PC: variants seen among roughly 807,000 people sequenced by gnomAD.
PC encodes pyruvate carboxylase, mitochondrial.
A neutral mutation model predicts 107.8 loss-of-function variants in PC; 46 were observed. The ratio of observed to expected loss-of-function variants is 0.43; its 90% confidence interval spans 0.34 to 0.55. The LOEUF (loss-of-function observed/expected upper bound fraction) is 0.55, where lower values mean the gene tolerates loss of function less well. Among genes scored for constraint, PC ranks in the 20% least tolerant of loss-of-function variants. The probability of loss-of-function intolerance (pLI) is 0.04; values close to 1 mark genes in which losing one functional copy is unlikely to be tolerated. For missense variants in PC, 1,241 were observed against 1,643.1 expected (o/e 0.76, Z 4.23); for synonymous variants, 662 against 684.7 (o/e 0.97, Z 0.52).
chr11:66,922,968 A>G (rs1169815589), intron 3 of PC, among the ~76,000 whole-genome samples: 1 of 152,238 alleles, frequency 6.6e-6, no homozygotes, highest in Admixed American at 6.5e-5. Flanking sequence ...CACTAGCTTC[A>G]TAAGGACAGA....
intron 16 of PC, 74 bp from the exon 17 acceptor site, chr11:66,851,354 G>C: frequency 6.3e-7 from 1 of 1,589,630 alleles, no homozygotes; most frequent in South Asian, 1.1e-5. Context: ...GCTCCTTCCT[G>C]ACCCACTCTA....
At chr11:66,925,634 G>A (rs2136101219) in intron 3 of PC, among the ~76,000 whole-genome samples, 1 of 151,962 alleles carries the variant, frequency 6.6e-6, no homozygotes, top group East Asian at 1.9e-4. Context: ...ATCATCACAG[G>A]GTCCTGAGGC....
At chr11:66,867,170 G>A (rs948097270) in intron 10 of PC, among the ~76,000 whole-genome samples, 12 of 152,222 alleles carry the variant, frequency 7.9e-5, no homozygotes, top group African/African-American at 2.2e-4. Flanking sequence ...TGAATCCCAC[G>A]AGGCCAGGAG....
At chr11:66,856,160 C>T (rs1291667211) in intron 12 of PC, among the ~76,000 whole-genome samples, 4 of 152,210 alleles carry the variant, frequency 2.6e-5, no homozygotes, top group African/African-American at 9.6e-5. Context: ...CGCCGGGAGC[C>T]CTTTCTCTGA....
chr11:66,869,490 T>C, intron 9 of PC, among the ~76,000 whole-genome samples: 1 of 152,118 alleles, frequency 6.6e-6, no homozygotes, highest in East Asian at 1.9e-4. Flanking sequence ...AGTTTCACTT[T>C]TGGTCTCACC....
intron 3 of PC, among the ~76,000 whole-genome samples, chr11:66,915,607 A>C (rs1054056925): frequency 1.3e-5 from 2 of 152,194 alleles, no homozygotes; most frequent in African/African-American, 4.8e-5. Context: ...GCAGGGAGCA[A>C]GGGCTCCAGG....
chr11:66,878,899 G>T (rs1309546859), intron 3 of PC, among the ~76,000 whole-genome samples: 3 of 152,196 alleles, frequency 2.0e-5, no homozygotes, highest in Non-Finnish European at 4.4e-5. Context: ...CTGGCCGGGG[G>T]CTGCCCCAGC....
In PC at chr11:66,858,715, A is replaced by T; in HGVS notation, c.1368+5059T>A. The T allele has an allele frequency of 6.5e-7, 1 of 1,550,056 alleles. No individual in the cohort carries two copies. Among genetic ancestry groups the T allele is most frequent in the Non-Finnish European group, 8.7e-7 (1 of 1,145,484 alleles). On this transcript the variant is annotated intron_variant, in intron 12 of 22. Transcript: ENST00000393960. This position sits in a 1 kb window ranked among gnomAD's most constrained non-coding sequence, Gnocchi z 5.9. ...GGTCCTGACGACCGGTTGGTTGGCA[A>T]CTCCTCCCGAGCCCGGGCTTTCCCC... is the stretch of plus-strand genomic sequence containing the variant.
chr11:66,851,423 G>T, intron 16 of PC, 143 bp from the exon 17 acceptor site: 1 of 1,240,908 alleles, frequency 8.1e-7, no homozygotes, highest in Non-Finnish European at 1.1e-6. Flanking sequence ...GCATCCACAG[G>T]CGGGGGGTGG....
intron 3 of PC, among the ~76,000 whole-genome samples, chr11:66,935,669 G>C (rs534914329): frequency 6.6e-6 from 1 of 152,204 alleles, no homozygotes; most frequent in African/African-American, 2.4e-5. Context: ...GTTTGCTGCT[G>C]TCAGAGCTTG....
chr11:66,850,828 G>A lies in PC; in HGVS notation c.2319C>T (p.His773=), dbSNP rs201257475. 1.0e-4 allele frequency: 168 copies of A among 1,612,190 alleles called. 1 individual carries two copies. In the Admixed American group the frequency reaches 2.0e-3, roughly 19 times the overall value. Residue 773 remains histidine (H), a synonymous_variant, in exon 18 of 23, where the codon CAC becomes CAT. Transcript: ENST00000393960. ...CTGCCACGCCTGCCCCTGACGTGTC[G>A]TGGGTGTGGATGTGCAGTGGGAGGT... ...FPDLPLHIHT[H]DTSGAGVAAM...
At chr11:66,896,219 C>T (rs1352537167) in intron 3 of PC, among the ~76,000 whole-genome samples, 1 of 152,126 alleles carries the variant, frequency 6.6e-6, no homozygotes, top group African/African-American at 2.4e-5. Flanking sequence ...GCTGGGATTA[C>T]AGACATGTGC....
Position 66,852,622 on chromosome 11 carries a change from C to G in PC, c.1642G>C (p.Glu548Gln), listed in dbSNP as rs764719936. The G allele has an allele frequency of 6.2e-7, 1 of 1,613,912 alleles. No individual in the cohort carries two copies. Among genetic ancestry groups the G allele is most frequent in the East Asian group, 2.2e-5 (1 of 44,876 alleles). Reference sequence around the variant, plus strand: ...GCTCGAGCAAAGCCCTCAGGCCCCTCTCGCAGCAGGATGTCTCTGAAACCA... The same window carrying G: ...GCTCGAGCAAAGCCCTCAGGCCCCTGTCGCAGCAGGATGTCTCTGAAACCA... ...PAGFRDILLR[E>Q]GPEGFARAVR... The change falls in exon 15 of 23, where the codon GAG (glutamate) becomes CAG (glutamine). Residue 548 changes from glutamate to glutamine, a missense_variant. Physicochemically the swap from Glu to Gln is conservative, Grantham distance 29. This residue lies in a region of PC where 1,143 missense variants were observed against 1,551.9 expected (regional missense o/e 0.74). Coordinates refer to ENST00000393960, the MANE Select transcript of PC (RefSeq NM_001040716.2). This position sits in a 1 kb window ranked among gnomAD's most constrained non-coding sequence, Gnocchi z 4.7.
intron 12 of PC, chr11:66,860,340 T>C (rs1946183880): frequency 2.4e-6 from 3 of 1,236,444 alleles, no homozygotes; most frequent in African/African-American, 1.5e-5. Context: ...CAGGGAGCCC[T>C]TTCCTCGGTT....
chr11:66,873,789 C>T (rs1013629286), intron 3 of PC, among the ~76,000 whole-genome samples: 3 of 151,100 alleles, frequency 2.0e-5, no homozygotes, highest in African/African-American at 2.4e-5. Context: ...TCTTTTGAGA[C>T]GGAGTCTCGC....
At chr11:66,873,184 A>G (rs1486680429) in intron 3 of PC, among the ~76,000 whole-genome samples, 1 of 148,140 alleles carries the variant, frequency 6.8e-6, no homozygotes, top group Non-Finnish European at 1.5e-5. Context: ...TACAGAAAAT[A>G]TAAAACTTAG....
chr11:66,910,909 G>A (rs1267213793), intron 3 of PC, among the ~76,000 whole-genome samples: 2 of 152,140 alleles, frequency 1.3e-5, no homozygotes, highest in Non-Finnish European at 2.9e-5. Context: ...TGAGCTCTGG[G>A]AACTGTGTTT....
At chr11:66,929,684 A>G (rs1948800047) in intron 3 of PC, among the ~76,000 whole-genome samples, 1 of 151,548 alleles carries the variant, frequency 6.6e-6, no homozygotes, top group Non-Finnish European at 1.5e-5. Context: ...TATTTTTTAC[A>G]TATTTTTTTG....
intron 3 of PC, among the ~76,000 whole-genome samples, chr11:66,933,446 G>A (rs1042890599): frequency 6.6e-6 from 1 of 152,090 alleles, no homozygotes; most frequent in Admixed American, 6.6e-5. Flanking sequence ...GGGCTTAAAA[G>A]CCCACCATCC....
Sources: allele counts gnomAD v4.1 joint callset (sites outside exome capture counted in the v4.1 genomes callset), GRCh38; gene constraint gnomAD v4.1.1; regional missense constraint gnomAD v4.1.1; non-coding constraint Gnocchi (gnomAD v3.1); transcripts MANE v1.5; gene names NCBI Gene and HGNC (gene_info 2026-07-23, HGNC 2026-07-21).